The following MICOS10 variants were observed in gnomAD, a reference collection of about 807,000 sequenced individuals.
MICOS10 encodes the protein MICOS complex subunit MIC10.
Under a neutral mutation model 13.4 loss-of-function variants are expected in MICOS10, and 5 were observed. That is an observed-to-expected ratio of 0.37 (90% CI 0.20 to 0.78). The LOEUF (loss-of-function observed/expected upper bound fraction) is 0.78, where lower values mean the gene tolerates loss of function less well. Among genes scored for constraint, MICOS10 ranks in the 30% least tolerant of loss-of-function variants. MICOS10 has a pLI of 0.47. For synonymous variants in MICOS10, 35 were observed against 33.6 expected, an observed-to-expected ratio of 1.04 and a Z score of -0.15; for missense variants, 101 against 94.6, an observed-to-expected ratio of 1.07 and a Z score of -0.28.
intron 3 of MICOS10, chr1:19,625,448 A>C (rs776891288): frequency 8.1e-5 from 104 of 1,289,190 alleles, no homozygotes; most frequent in Non-Finnish European, 9.4e-5. Flanking sequence ...GAGAGATGGG[A>C]GTAGGGGAGC....
At chr1:19,623,159 G>C (rs1362948157) in intron 2 of MICOS10, among the ~76,000 whole-genome samples, 1 of 152,048 alleles carries the variant, frequency 6.6e-6, no homozygotes. Context: ...CTGACCTCGT[G>C]ATCCGCCCGC....
chr1:19,623,550 G>T lies in MICOS10; in HGVS notation c.189G>T (p.Gln63His). 6.2e-7 allele frequency: 1 copy of T among 1,613,120 alleles called. No individual in the cohort carries two copies. Among genetic ancestry groups the T allele is most frequent in the Non-Finnish European group, 8.5e-7 (1 of 1,179,208 alleles). ...ATTCCAACTGTCAGCATGATTTCCA[G>T]GCTCCATATCTTCTACATGGAAAAT... ...MAYSNCQHDF[Q>H]APYLLHGKYV... The change falls in exon 3 of 4, where the codon CAG becomes CAT. Residue 63 changes from glutamine (Q) to histidine (H), a missense_variant. Gln to His is a conservative substitution (Grantham distance 24). Coordinates refer to ENST00000322753, the MANE Select transcript of MICOS10 (RefSeq NM_001032363.4).
Position 19,628,924 on chromosome 1 carries a change from G to A in MICOS10, c.*2523G>A, listed in dbSNP as rs931619483. 2.0e-5 allele frequency: 3 copies of A among 152,222 alleles called. No homozygotes were observed. Among genetic ancestry groups the A allele is most frequent in the Non-Finnish European group, 4.4e-5 (3 of 68,074 alleles). The allele number at this position is 152,222 out of a possible 1,614,324, so 9.4% of individuals were successfully genotyped here. On this transcript the variant is annotated 3_prime_UTR_variant, in exon 4 of 4. Coordinates refer to ENST00000322753, the MANE Select transcript of MICOS10 (RefSeq NM_001032363.4). Reference sequence around the variant, plus strand: ...TTGGATGGATCCCTTTGGCACCTTGGAAGCACCACTGAAGTGCTCTGAGAA... The same window carrying A: ...TTGGATGGATCCCTTTGGCACCTTGAAAGCACCACTGAAGTGCTCTGAGAA...
At chr1:19,602,511 C>G (rs1207877208) in intron 1 of MICOS10, among the ~76,000 whole-genome samples, 3 of 152,080 alleles carry the variant, frequency 2.0e-5, no homozygotes, top group African/African-American at 7.2e-5. Context: ...TGTATTTAAA[C>G]AAGTAGAGGG....
At chr1:19,609,816 AGG>A (rs1274206606) in intron 1 of MICOS10, among the ~76,000 whole-genome samples, 4 of 152,188 alleles carry the variant, frequency 2.6e-5, no homozygotes, top group Non-Finnish European at 4.4e-5. Context: ...GTTGAAGGAA[AGG>A]GGGGAAAAAC....
chr1:19,622,927 T>C (rs958172158), intron 2 of MICOS10, among the ~76,000 whole-genome samples: 11 of 150,430 alleles, frequency 7.3e-5, no homozygotes, highest in African/African-American at 2.7e-4. Flanking sequence ...CTACTTTTTT[T>C]TTTTTTTTTT....
intron 1 of MICOS10, among the ~76,000 whole-genome samples, chr1:19,598,633 A>G (rs946162230): frequency 1.3e-5 from 2 of 151,500 alleles, no homozygotes; most frequent in African/African-American, 4.8e-5. Context: ...AAAGGAGAAG[A>G]AGAAGAAGGG....
intron 1 of MICOS10, among the ~76,000 whole-genome samples, chr1:19,620,578 G>A (rs72959470): frequency 0.012 from 1,808 of 152,250 alleles, 36 homozygotes; most frequent in African/African-American, 0.041. Context: ...TAAGACCATA[G>A]AGCACATTCT....
At chr1:19,621,134 C>G (rs777802685) in intron 1 of MICOS10, among the ~76,000 whole-genome samples, 1 of 152,170 alleles carries the variant, frequency 6.6e-6, no homozygotes, top group Non-Finnish European at 1.5e-5. Flanking sequence ...AAAATTGAAC[C>G]CTGTACCATT....
intron 1 of MICOS10, among the ~76,000 whole-genome samples, chr1:19,600,063 A>G (rs938444106): frequency 1.3e-5 from 2 of 152,228 alleles, no homozygotes; most frequent in Admixed American, 6.5e-5. Context: ...TTGACGTAAT[A>G]TATTAGGTTG....
chr1:19,608,872 C>T (rs973836920), intron 1 of MICOS10, among the ~76,000 whole-genome samples: 1 of 151,456 alleles, frequency 6.6e-6, no homozygotes, highest in African/African-American at 2.4e-5. Flanking sequence ...TTTTAAGGTT[C>T]CCCCCCACCC....
At chr1:19,623,763 C>T (rs559624173) in intron 3 of MICOS10, 180 bp downstream of exon 3, 89 of 550,586 alleles carry the variant, frequency 1.6e-4, no homozygotes, top group African/African-American at 1.5e-3. Flanking sequence ...CTAAAGTCTC[C>T]CCTGTGCCTT....
intron 1 of MICOS10, chr1:19,608,142 A>C (rs780780618): frequency 1.7e-6 from 2 of 1,189,786 alleles, no homozygotes; most frequent in Admixed American, 3.4e-5. Flanking sequence ...AAGGAAAAGA[A>C]GGAAGAACAG....
chr1:19,606,767 A>G (rs12066678), intron 1 of MICOS10, among the ~76,000 whole-genome samples: 18,777 of 152,056 alleles, frequency 0.12, 1,263 homozygotes, highest in African/African-American at 0.17. Context: ...AAAAGAAAGA[A>G]AAAAAGTAGG....
At chr1:19,611,469 ATTTTT>A (rs768118529) in intron 1 of MICOS10, among the ~76,000 whole-genome samples, 15 of 90,310 alleles carry the variant, frequency 1.7e-4, no homozygotes, top group Admixed American at 1.5e-3. Flanking sequence ...TTGCAACTTG[ATTTTT>A]TTTTTTTTTT....
intron 3 of MICOS10, among the ~76,000 whole-genome samples, chr1:19,626,180 C>T (rs1490346177): frequency 2.0e-5 from 3 of 152,190 alleles, no homozygotes. Context: ...ACTCGTTTCC[C>T]ACTCTTCTCC....
chr1:19,626,431 C>T lies in MICOS10; in HGVS notation c.*30C>T. 1 of 1,613,224 alleles carries T rather than the reference C, an allele frequency of 6.2e-7. No individual in the cohort carries two copies. Among genetic ancestry groups the T allele is most frequent in the Non-Finnish European group, 8.5e-7 (1 of 1,179,328 alleles). On this transcript the variant is annotated 3_prime_UTR_variant, in exon 4 of 4. Coordinates refer to ENST00000322753, the MANE Select transcript of MICOS10 (RefSeq NM_001032363.4). ...ACCTGAGAACATCCCAGCGGGAGGA[C>T]AAGAGAAATCATGTTTATTCCTCAG... is the stretch of plus-strand genomic sequence containing the variant.
At chr1:19,611,970 C>CAAAAGAA (rs1423036222) in intron 1 of MICOS10, among the ~76,000 whole-genome samples, 1 of 91,372 alleles carries the variant, frequency 1.1e-5, no homozygotes, top group African/African-American at 4.7e-5. Context: ...GGCTCCATCT[C>CAAAAGAA]AAAAAAAAAA....
chr1:19,618,629 G>C lies in MICOS10; in HGVS notation c.65-3471G>C, dbSNP rs529421550. 6.6e-5 allele frequency among the ~76,000 whole-genome samples: 10 copies of C among 152,332 alleles called. No homozygotes were observed. In the East Asian group the frequency reaches 1.9e-3, roughly 29 times the overall value. On this transcript the variant is annotated intron_variant, in intron 1 of 3. Coordinates refer to ENST00000322753, the MANE Select transcript of MICOS10 (RefSeq NM_001032363.4). ...TGACTAATTGGCCTGGGGTCAGAGA[G>C]CTGACTTGTAGGGACTGGAGCAGCG...
Sources: allele counts gnomAD v4.1 joint callset (sites outside exome capture counted in the v4.1 genomes callset), GRCh38; gene constraint gnomAD v4.1.1; transcripts MANE v1.5; gene names NCBI Gene and HGNC (gene_info 2026-07-23, HGNC 2026-07-21).